The following MYO16 variants were observed in gnomAD, a reference collection of about 807,000 sequenced individuals.
The protein encoded by MYO16 is unconventional myosin-XVI.
MYO16 carries 94 observed loss-of-function variants against 205.3 expected under a neutral mutation model. That is an observed-to-expected ratio of 0.46 (90% CI 0.39 to 0.54). The LOEUF is 0.54. Ranked by LOEUF, MYO16 falls within the 20% of genes least tolerant of loss-of-function variation. The pLI is 0.00. For synonymous variants in MYO16, 988 were observed against 954.0 expected, an observed-to-expected ratio of 1.04 and a Z score of -0.66; for missense variants, 2,315 against 2,387.5, an observed-to-expected ratio of 0.97 and a Z score of 0.63.
intron 27 of MYO16, among the ~76,000 whole-genome samples, chr13:109,078,941 T>C (rs1888199338): frequency 6.6e-6 from 1 of 152,198 alleles, no homozygotes; most frequent in South Asian, 2.1e-4. Context: ...TTAGGTAGTC[T>C]ATTCATATGC....
At chr13:108,502,754 A>G in the MYO16 span, among the ~76,000 whole-genome samples, 1 of 152,168 alleles carries the variant, frequency 6.6e-6, no homozygotes, top group African/African-American at 2.4e-5. Flanking sequence ...TAAGCAGCTG[A>G]GTAATATGTG....
At chr13:108,781,617 G>A (rs1886306989) in intron 4 of MYO16, among the ~76,000 whole-genome samples, 1 of 152,176 alleles carries the variant, frequency 6.6e-6, no homozygotes, top group Non-Finnish European at 1.5e-5. Flanking sequence ...CAAAGACAGA[G>A]AGCTCTGGCT....
At chr13:108,748,388 G>A (rs577635108) in intron 4 of MYO16, among the ~76,000 whole-genome samples, 7 of 152,098 alleles carry the variant, frequency 4.6e-5, no homozygotes, top group Admixed American at 2.0e-4. Flanking sequence ...CATTAAATAC[G>A]TGTATTAGAG....
At chr13:108,856,435 C>T (rs1878175523) in intron 11 of MYO16, among the ~76,000 whole-genome samples, 1 of 152,052 alleles carries the variant, frequency 6.6e-6, no homozygotes, top group Non-Finnish European at 1.5e-5. Flanking sequence ...TATGAAAATG[C>T]AATGTAGCAT....
At chr13:109,019,582 A>G in intron 22 of MYO16, 129 bp from the exon 23 acceptor site, 1 of 695,478 alleles carries the variant, frequency 1.4e-6, no homozygotes, top group South Asian at 1.9e-5. Flanking sequence ...ATATTAAGGT[A>G]AAGACTGATT....
Position 108,957,752 on chromosome 13 carries a change from T to C in MYO16, c.1990T>C (p.Leu664=), listed in dbSNP as rs143534845. The C allele has an allele frequency of 1.0e-4, 165 of 1,613,862 alleles. 3 individuals are homozygous for C. The African/African-American group carries it at 1.1e-3, about 11-fold the overall frequency. ...GGAGCGTTCTCTGAACAGGGAGAAA[T>C]TGGCTGTTTTGAAACGAGCCCTGAA... The part of the protein sequence containing the change: ...TGERSLNREK[L]AVLKRALNVV... Residue 664 remains leucine, a synonymous_variant, in exon 17 of 35, where the codon TTG becomes CTG. Coordinates refer to ENST00000457511, the MANE Select transcript of MYO16 (RefSeq NM_001198950.3).
chr13:108,709,419 T>C (rs576950457), intron 2 of MYO16, among the ~76,000 whole-genome samples: 1 of 77,688 alleles, frequency 1.3e-5, no homozygotes, highest in African/African-American at 4.8e-5. Flanking sequence ...GGAGTCCTGT[T>C]GCTACACTTG....
At chr13:108,886,008 T>C (rs774198764) in intron 13 of MYO16, among the ~76,000 whole-genome samples, 1 of 151,636 alleles carries the variant, frequency 6.6e-6, no homozygotes, top group African/African-American at 2.4e-5. Context: ...TGATATGGAG[T>C]CTTGAGTCTC....
intron 27 of MYO16, among the ~76,000 whole-genome samples, chr13:109,058,705 G>C (rs1478014785): frequency 6.6e-6 from 1 of 152,100 alleles, no homozygotes; most frequent in African/African-American, 2.4e-5. Context: ...CTGAAGGCTA[G>C]GGTGGCTGTA....
chr13:108,597,065 A>C (rs932506435), intron 1 of MYO16, among the ~76,000 whole-genome samples: 2 of 152,212 alleles, frequency 1.3e-5, no homozygotes, highest in South Asian at 4.1e-4. Context: ...AACTATATAC[A>C]TCTATTATGC....
At chr13:109,147,256 C>T (rs1215858520) in intron 32 of MYO16, among the ~76,000 whole-genome samples, 1 of 152,106 alleles carries the variant, frequency 6.6e-6, no homozygotes, top group African/African-American at 2.4e-5. Context: ...CAATTGCATC[C>T]TAAGTCAATA....
chr13:108,793,703 A>T, intron 6 of MYO16, 63 bp downstream of exon 6: 1 of 1,469,456 alleles, frequency 6.8e-7, no homozygotes, highest in Non-Finnish European at 9.3e-7. Context: ...TCTATAAAAC[A>T]TAGAATTCAT....
intron 34 of MYO16, among the ~76,000 whole-genome samples, chr13:109,198,008 T>G (rs1880230456): frequency 6.6e-6 from 1 of 152,188 alleles, no homozygotes; most frequent in Admixed American, 6.5e-5. Flanking sequence ...CTATTTCTAT[T>G]TGAAATGACA....
At chr13:109,029,703 C>A (rs1486741639) in intron 23 of MYO16, among the ~76,000 whole-genome samples, 5 of 152,122 alleles carry the variant, frequency 3.3e-5, no homozygotes, top group African/African-American at 1.2e-4. Flanking sequence ...TAATTTACAT[C>A]TGTATTTGTT....
At chr13:108,508,221 C>T in the MYO16 span, among the ~76,000 whole-genome samples, 3 of 149,156 alleles carry the variant, frequency 2.0e-5, no homozygotes, top group Admixed American at 6.8e-5. Flanking sequence ...TCTCTGTATG[C>T]CTTGTAGTTT....
intron 12 of MYO16, among the ~76,000 whole-genome samples, chr13:108,876,811 C>T (rs576861322): frequency 9.9e-5 from 15 of 152,078 alleles, no homozygotes; most frequent in African/African-American, 2.7e-4. Flanking sequence ...ATAGTACAGG[C>T]GTGTGCCACC....
chr13:108,768,793 A>G (rs1280897010), intron 4 of MYO16, among the ~76,000 whole-genome samples: 1 of 152,196 alleles, frequency 6.6e-6, no homozygotes, highest in African/African-American at 2.4e-5. Flanking sequence ...CAGCCATTCC[A>G]AACAGCTTGG....
At chr13:109,159,851 G>C (rs922267997) in intron 32 of MYO16, among the ~76,000 whole-genome samples, 3 of 152,248 alleles carry the variant, frequency 2.0e-5, no homozygotes, top group Non-Finnish European at 4.4e-5. Context: ...GGCGTGTAAG[G>C]GGGGCTGGGG....
chr13:108,750,559 A>G (rs1181679578), intron 4 of MYO16, among the ~76,000 whole-genome samples: 1 of 149,692 alleles, frequency 6.7e-6, no homozygotes, highest in Non-Finnish European at 1.5e-5. Context: ...AGTTGAGGTC[A>G]GGAGTTCGAG....
Sources: allele counts gnomAD v4.1 joint callset (sites outside exome capture counted in the v4.1 genomes callset), GRCh38; gene constraint gnomAD v4.1.1; transcripts MANE v1.5; gene names NCBI Gene and HGNC (gene_info 2026-07-23, HGNC 2026-07-21).